Variants in UBTD2 observed in about 807,000 individuals in gnomAD.
UBTD2 encodes ubiquitin domain containing 2.
Under a neutral mutation model 19.8 loss-of-function variants are expected in UBTD2, and 9 were observed. The observed-to-expected ratio is 0.46, with a 90% CI of 0.27 to 0.79. UBTD2 has a LOEUF of 0.79. UBTD2 is among the 30% of genes least tolerant of loss of function. The probability of loss-of-function intolerance (pLI) is 0.14; values close to 1 mark genes in which losing one functional copy is unlikely to be tolerated. For missense variants in UBTD2, 250 were observed against 300.4 expected, an observed-to-expected ratio of 0.83 and a Z score of 1.24; for synonymous variants, 98 against 103.9, an observed-to-expected ratio of 0.94 and a Z score of 0.35.
At chr5:172,255,871 C>G (rs1437820851) in intron 1 of UBTD2, among the ~76,000 whole-genome samples, 4 of 152,100 alleles carry the variant, frequency 2.6e-5, no homozygotes, top group Non-Finnish European at 4.4e-5. Context: ...GATGGATCAC[C>G]TGAGGTCAGG....
chr5:172,255,836 C>A (rs570726579), intron 1 of UBTD2, among the ~76,000 whole-genome samples: 9 of 152,316 alleles, frequency 5.9e-5, no homozygotes, highest in African/African-American at 1.9e-4. Context: ...CGCCTGCAAT[C>A]CCACCACTTT....
intron 2 of UBTD2, among the ~76,000 whole-genome samples, chr5:172,221,502 T>TAAATAAATAATA (rs1411781613): frequency 6.6e-6 from 1 of 152,006 alleles, no homozygotes; most frequent in East Asian, 1.9e-4. Context: ...ACCCTATCTA[T>TAAATAAATAATA]AAATAAATAA....
At chr5:172,256,229 A>T (rs186534547) in intron 1 of UBTD2, among the ~76,000 whole-genome samples, 130 of 152,352 alleles carry the variant, frequency 8.5e-4, no homozygotes, top group Admixed American at 1.6e-3. Flanking sequence ...CACTCTATTA[A>T]GTCATAGCTG....
chr5:172,248,569 C>T (rs1027570884), intron 1 of UBTD2, among the ~76,000 whole-genome samples: 1 of 151,062 alleles, frequency 6.6e-6, no homozygotes, highest in Non-Finnish European at 1.5e-5. Context: ...GCCTGGGCGA[C>T]AGAGCGAGAC....
At position 172,210,651 on chromosome 5, in the gene UBTD2, G is replaced by A. The variant is rs1771424251; in HGVS notation, c.*1179C>T. On this transcript the variant is annotated 3_prime_UTR_variant, in exon 3 of 3. Transcript: ENST00000393792. ...TCATCTACCATGACTAGAGGTAACA[G>A]TGAACTGGAAAGCACTAAGGTATAA... is the stretch of plus-strand genomic sequence containing the variant. 1 of 152,226 alleles carries A rather than the reference G, an allele frequency of 6.6e-6. No homozygotes were observed. Among genetic ancestry groups the A allele is most frequent in the Non-Finnish European group, 1.5e-5 (1 of 68,046 alleles). The allele number at this position is 152,226 out of a possible 1,614,324, so 9.4% of individuals were successfully genotyped here. A position where few individuals can be genotyped will look rare whatever the true frequency, so the allele number is the denominator to read the frequency against.
chr5:172,268,326 A>G (rs1274845992), intron 1 of UBTD2, among the ~76,000 whole-genome samples: 1 of 152,204 alleles, frequency 6.6e-6, no homozygotes, highest in East Asian at 1.9e-4. Flanking sequence ...GTAGAAAAAG[A>G]GAAGTGGGCA....
intron 2 of UBTD2, among the ~76,000 whole-genome samples, chr5:172,230,036 C>T (rs919114667): frequency 2.0e-5 from 3 of 152,068 alleles, no homozygotes; most frequent in Non-Finnish European, 4.4e-5. Context: ...AAAAATAAAG[C>T]TCATACAGGG....
intron 1 of UBTD2, among the ~76,000 whole-genome samples, chr5:172,248,101 A>G (rs943961763): frequency 6.6e-6 from 1 of 152,228 alleles, no homozygotes; most frequent in African/African-American, 2.4e-5. Context: ...AAAATGAGAA[A>G]ATACAATGAG....
intron 1 of UBTD2, among the ~76,000 whole-genome samples, chr5:172,267,028 G>T (rs763434527): frequency 7.4e-6 from 1 of 135,104 alleles, no homozygotes; most frequent in Non-Finnish European, 1.5e-5. Flanking sequence ...AGGTAACAGA[G>T]AGCCTCTCTT....
intron 1 of UBTD2, among the ~76,000 whole-genome samples, chr5:172,244,295 G>GTTTGTTTT (rs1214308760): frequency 0.26 from 31,924 of 124,406 alleles, 4,161 homozygotes; most frequent in South Asian, 0.36. Context: ...TTTCCTCCCA[G>GTTTGTTTT]TTTTTTTTTT....
chr5:172,266,423 T>C (rs915102953), intron 1 of UBTD2, among the ~76,000 whole-genome samples: 4 of 152,222 alleles, frequency 2.6e-5, no homozygotes, highest in Non-Finnish European at 5.9e-5. Flanking sequence ...AGACTTTACC[T>C]ACCAGGTCCT....
intron 1 of UBTD2, among the ~76,000 whole-genome samples, chr5:172,268,247 A>G (rs1005301186): frequency 6.6e-6 from 1 of 152,150 alleles, no homozygotes; most frequent in African/African-American, 2.4e-5. Flanking sequence ...CGGCAGGATT[A>G]TTTCTGGGTA....
intron 1 of UBTD2, among the ~76,000 whole-genome samples, chr5:172,240,854 G>A (rs1772112457): frequency 6.6e-6 from 1 of 152,090 alleles, no homozygotes; most frequent in African/African-American, 2.4e-5. Flanking sequence ...GGAAGGCCAA[G>A]GCAGACAGAT....
intron 2 of UBTD2, among the ~76,000 whole-genome samples, chr5:172,212,700 T>C (rs1561847443): frequency 6.6e-6 from 1 of 152,238 alleles, no homozygotes; most frequent in Non-Finnish European, 1.5e-5. Flanking sequence ...AGTGTCGCTG[T>C]GTTGCCCAGG....
At chr5:172,254,479 T>C (rs1443761775) in intron 1 of UBTD2, 3 of 522,272 alleles carry the variant, frequency 5.7e-6, no homozygotes, top group Non-Finnish European at 1.0e-5. Context: ...CCAGTATGTT[T>C]TCCTAAATGT....
intron 1 of UBTD2, among the ~76,000 whole-genome samples, chr5:172,257,663 C>T (rs1211295699): frequency 6.6e-6 from 1 of 152,212 alleles, no homozygotes; most frequent in Non-Finnish European, 1.5e-5. Flanking sequence ...TAACAACAGT[C>T]ATCCTGATTG....
chr5:172,283,553 G>A lies in UBTD2; in HGVS notation c.70+43C>T. ...TCGGGACAGGTGGCCGGGCCTGGCC[G>A]GGAACAATGGGGGGCCGAGGCTGCC... is the stretch of plus-strand genomic sequence containing the variant. On this transcript the variant is annotated intron_variant, in intron 1 of 2. Coordinates refer to ENST00000393792, the MANE Select transcript of UBTD2 (RefSeq NM_152277.3). This position sits in a 1 kb window ranked among gnomAD's most constrained non-coding sequence, Gnocchi z 4.3. 3.1e-6 allele frequency: 4 copies of A among 1,274,272 alleles called. No homozygotes were observed. Among genetic ancestry groups the A allele is most frequent in the Non-Finnish European group, 4.0e-6 (4 of 1,004,356 alleles). The allele number at this position is 1,274,272 out of a possible 1,614,324, so 78.9% of individuals were successfully genotyped here. A position where few individuals can be genotyped will look rare whatever the true frequency, so the allele number is the denominator to read the frequency against.
At chr5:172,217,575 C>T (rs1368870588) in intron 2 of UBTD2, among the ~76,000 whole-genome samples, 1 of 152,086 alleles carries the variant, frequency 6.6e-6, no homozygotes. Flanking sequence ...CCTTGAACTC[C>T]TTGGCTCAAG....
rs1190547154 is a variant in UBTD2, at chr5:172,283,395, G to A, written c.70+201C>T. Among the ~76,000 whole-genome samples the A allele has an allele frequency of 6.6e-6, 1 of 152,124 alleles. No homozygotes were observed. Among genetic ancestry groups the A allele is most frequent in the African/African-American group, 2.4e-5 (1 of 41,428 alleles). ...AAGGGCTACGTCCCCGGCGCTCAGAGGACTTTTCTTCAGGGCTGGGGCGGG... is the reference window on the plus strand; with the variant it reads ...AAGGGCTACGTCCCCGGCGCTCAGAAGACTTTTCTTCAGGGCTGGGGCGGG... On this transcript the variant is annotated intron_variant, in intron 1 of 2. Transcript: ENST00000393792. The surrounding 1 kb of genome is among the most constrained non-coding windows in gnomAD (Gnocchi z 4.3).
Sources: allele counts gnomAD v4.1 joint callset (sites outside exome capture counted in the v4.1 genomes callset), GRCh38; gene constraint gnomAD v4.1.1; non-coding constraint Gnocchi (gnomAD v3.1); transcripts MANE v1.5; gene names NCBI Gene and HGNC (gene_info 2026-07-23, HGNC 2026-07-21).